The following PTPRG variants were observed in gnomAD, a reference collection of about 807,000 sequenced individuals.
PTPRG encodes the protein protein tyrosine phosphatase receptor type G.
A neutral mutation model predicts 165.3 loss-of-function variants in PTPRG; 102 were observed. The observed-to-expected ratio is 0.62, with a 90% CI of 0.53 to 0.73. PTPRG has a LOEUF of 0.73. Among genes scored for constraint, PTPRG ranks in the 30% least tolerant of loss-of-function variants. PTPRG has a pLI of 0.00. For missense variants in PTPRG, 1,866 were observed against 1,861.4 expected, an observed-to-expected ratio of 1.00 and a Z score of -0.05; for synonymous variants, 675 against 669.5, an observed-to-expected ratio of 1.01 and a Z score of -0.13.
chr3:62,155,690 A>AATATAGTT (rs1461089601), intron 6 of PTPRG, among the ~76,000 whole-genome samples: 1 of 152,204 alleles, frequency 6.6e-6, no homozygotes, highest in Non-Finnish European at 1.5e-5. Flanking sequence ...TTTTAATTAT[A>AATATAGTT]ATATAGTTGA....
At chr3:61,738,274 A>ACACATATG in intron 1 of PTPRG, among the ~76,000 whole-genome samples, 1 of 68,310 alleles carries the variant, frequency 1.5e-5, no homozygotes, top group South Asian at 5.4e-4. Flanking sequence ...ATATATATAT[A>ACACATATG]TATACATATA....
chr3:62,031,475 A>C (rs1439976660), intron 4 of PTPRG, among the ~76,000 whole-genome samples: 1 of 152,142 alleles, frequency 6.6e-6, no homozygotes, highest in African/African-American at 2.4e-5. Flanking sequence ...TGATATGGAG[A>C]GGTAGACAGG....
intron 2 of PTPRG, among the ~76,000 whole-genome samples, chr3:61,918,362 GTA>G (rs143655937): frequency 4.6e-5 from 7 of 151,088 alleles, no homozygotes; most frequent in African/African-American, 1.2e-4. Context: ...TGGGAAATAT[GTA>G]TATATATATA....
At chr3:62,185,276 G>T (rs1444760469) in intron 8 of PTPRG, among the ~76,000 whole-genome samples, 1 of 152,220 alleles carries the variant, frequency 6.6e-6, no homozygotes, top group Non-Finnish European at 1.5e-5. Flanking sequence ...GGGAAAGGCT[G>T]TTGTCAGGAG....
At chr3:61,920,870 T>A (rs2039061050) in intron 2 of PTPRG, among the ~76,000 whole-genome samples, 1 of 152,230 alleles carries the variant, frequency 6.6e-6, no homozygotes, top group South Asian at 2.1e-4. Flanking sequence ...ACTTAAAAAA[T>A]TTAATGGGAC....
intron 1 of PTPRG, among the ~76,000 whole-genome samples, chr3:61,683,045 T>C (rs1703505617): frequency 6.6e-6 from 1 of 152,216 alleles, no homozygotes; most frequent in African/African-American, 2.4e-5. Context: ...GATAAATCGA[T>C]TTGGTTTTAG....
chr3:61,689,047 C>G (rs1224857953), intron 1 of PTPRG, among the ~76,000 whole-genome samples: 4 of 152,310 alleles, frequency 2.6e-5, no homozygotes, highest in African/African-American at 9.6e-5. Flanking sequence ...CTTACTTAGC[C>G]CAGGCATTCT....
At chr3:61,704,050 C>A (rs1261970200) in intron 1 of PTPRG, among the ~76,000 whole-genome samples, 1 of 152,154 alleles carries the variant, frequency 6.6e-6, no homozygotes, top group Non-Finnish European at 1.5e-5. Flanking sequence ...GCTCTACCCC[C>A]ATAGGATTTA....
intron 4 of PTPRG, among the ~76,000 whole-genome samples, chr3:62,062,765 T>TTGA (rs1193907108): frequency 6.6e-6 from 1 of 152,084 alleles, no homozygotes; most frequent in African/African-American, 2.4e-5. Context: ...TGGGCTCAAG[T>TTGA]GATTGCTCTA....
chr3:61,565,208 G>C (rs1699880969), intron 1 of PTPRG, among the ~76,000 whole-genome samples: 1 of 152,168 alleles, frequency 6.6e-6, no homozygotes, highest in Non-Finnish European at 1.5e-5. Context: ...ATTGGAAACA[G>C]TGGATTTTAG....
chr3:62,270,602 G>A (rs1702028562), intron 20 of PTPRG, among the ~76,000 whole-genome samples: 1 of 152,106 alleles, frequency 6.6e-6, no homozygotes, highest in Non-Finnish European at 1.5e-5. Context: ...GGAAAAAGTA[G>A]AAAAATGAGA....
chr3:61,948,248 C>T (rs1013463903), intron 2 of PTPRG, among the ~76,000 whole-genome samples: 2 of 152,090 alleles, frequency 1.3e-5, no homozygotes, highest in East Asian at 1.9e-4. Flanking sequence ...TTGCTTGAAC[C>T]CAGGAGGTGG....
intron 2 of PTPRG, among the ~76,000 whole-genome samples, chr3:61,776,213 A>T (rs1254766564): frequency 6.6e-6 from 1 of 152,092 alleles, no homozygotes; most frequent in Non-Finnish European, 1.5e-5. Flanking sequence ...GAGCGTAAAG[A>T]ATACTGTTTG....
chr3:62,175,342 G>A (rs1354621532), intron 8 of PTPRG, among the ~76,000 whole-genome samples: 1 of 152,204 alleles, frequency 6.6e-6, no homozygotes, highest in Non-Finnish European at 1.5e-5. Flanking sequence ...AGAGCCGAGT[G>A]CCGTGGCACG....
rs1575580526 is a variant in PTPRG at position 61,673,048 on chromosome 3, A to C, written c.86-75830A>C. On this transcript the variant is annotated intron_variant, in intron 1 of 29. Coordinates refer to ENST00000474889, the MANE Select transcript of PTPRG (RefSeq NM_002841.4). Reference sequence around the variant, plus strand: ...GTGGTGCGTGCCCGTAGTCCTAGCTACTCGGAGAGACTGAGGTGGAGTGTA... The same window carrying C: ...GTGGTGCGTGCCCGTAGTCCTAGCTCCTCGGAGAGACTGAGGTGGAGTGTA... 3.3e-5 allele frequency among the ~76,000 whole-genome samples: 5 copies of C among 152,092 alleles called. No individual in the cohort carries two copies. In the South Asian group the frequency reaches 1.0e-3, roughly 32 times the overall value.
At chr3:61,625,092 A>T (rs893293449) in intron 1 of PTPRG, among the ~76,000 whole-genome samples, 2 of 151,784 alleles carry the variant, frequency 1.3e-5, no homozygotes, top group African/African-American at 4.8e-5. Context: ...CTTTTCAAGG[A>T]CATCAGCCAT....
In PTPRG at chr3:61,933,170, G is replaced by C. The variant is rs566762453; in HGVS notation, c.191-56455G>C. Among the ~76,000 whole-genome samples, 6 of 152,256 alleles carry C rather than the reference G, an allele frequency of 3.9e-5. No individual in the cohort carries two copies. In the South Asian group the frequency reaches 1.2e-3, roughly 32 times the overall value. On this transcript the variant is annotated intron_variant, in intron 2 of 29. Coordinates refer to ENST00000474889, the MANE Select transcript of PTPRG (RefSeq NM_002841.4). ...AAGACAGTAGGAAATAGTGGAGCTGGGGTCTATGTGGAAAGGTACATTTCT... is the reference window on the plus strand; with the variant it reads ...AAGACAGTAGGAAATAGTGGAGCTGCGGTCTATGTGGAAAGGTACATTTCT...
chr3:62,090,960 C>G (rs894991580), intron 5 of PTPRG, among the ~76,000 whole-genome samples: 1 of 152,146 alleles, frequency 6.6e-6, no homozygotes, highest in Admixed American at 6.5e-5. Flanking sequence ...AATGGAAATA[C>G]CAATTTGCTG....
chr3:62,062,186 C>A (rs937324142), intron 4 of PTPRG, among the ~76,000 whole-genome samples: 1 of 150,202 alleles, frequency 6.7e-6, no homozygotes, highest in African/African-American at 2.4e-5. Flanking sequence ...GTAATCCCAG[C>A]TACTCAGGAG....
Sources: gnomAD v4.1 joint callset for allele counts (sites outside exome capture counted in the v4.1 genomes callset) on GRCh38, gnomAD v4.1.1 for gene constraint, MANE v1.5 for transcripts, NCBI Gene and HGNC (gene_info 2026-07-23, HGNC 2026-07-21) for gene names.